Variants in NTNG1 observed in about 807,000 individuals in gnomAD.
NTNG1 encodes netrin-G1.
A neutral mutation model predicts 54.0 loss-of-function variants in NTNG1; 16 were observed. The ratio of observed to expected loss-of-function variants is 0.30; its 90% CI spans 0.20 to 0.45. The LOEUF is 0.45. Ranked by LOEUF, NTNG1 falls within the 20% of genes least tolerant of loss-of-function variation. The pLI, the probability that NTNG1 is intolerant of heterozygous loss-of-function variation, is 1.00. For synonymous variants in NTNG1, 255 were observed against 263.1 expected (o/e 0.97, Z 0.30); for missense variants, 530 against 678.7 (o/e 0.78, Z 2.43).
chr1:107,155,006 C>A (rs573473715), intron 2 of NTNG1, among the ~76,000 whole-genome samples: 1 of 151,978 alleles, frequency 6.6e-6, no homozygotes, highest in Non-Finnish European at 1.5e-5. Flanking sequence ...CTCCTTCAGT[C>A]CCCCTGGAGA....
chr1:107,272,344 T>C (rs1425572129), intron 2 of NTNG1, among the ~76,000 whole-genome samples: 1 of 152,180 alleles, frequency 6.6e-6, no homozygotes. Context: ...TAATCATCAT[T>C]GTTCCTTCCT....
chr1:107,264,705 C>A (rs1178525134), intron 2 of NTNG1, among the ~76,000 whole-genome samples: 1 of 152,198 alleles, frequency 6.6e-6, no homozygotes, highest in Non-Finnish European at 1.5e-5. Flanking sequence ...TTTAGGGCAC[C>A]TTTGAGTCAT....
chr1:107,435,705 C>A lies in NTNG1; in HGVS notation c.1256-960C>A, dbSNP rs114575488. Among the ~76,000 whole-genome samples, 881 of 152,180 alleles carry A rather than the reference C, an allele frequency of 5.8e-3. 13 individuals carry two copies. The highest frequency in any genetic ancestry group is 0.02 in the African/African-American group (842 of 41,530). ...TTTTATTTGGTTTTTCATGAGGGAA[C>A]TGCTTAATGTACCCATTTTTAAATA... On this transcript the variant is annotated intron_variant, in intron 6 of 7. Transcript: ENST00000370068.
intron 2 of NTNG1, among the ~76,000 whole-genome samples, chr1:107,175,704 C>G (rs1291734373): frequency 2.0e-5 from 3 of 151,948 alleles, no homozygotes; most frequent in Non-Finnish European, 4.4e-5. Flanking sequence ...AGGCCAGTCT[C>G]TAATAATAGT....
chr1:107,414,362 T>C (rs1021595355), intron 5 of NTNG1, among the ~76,000 whole-genome samples: 2 of 152,154 alleles, frequency 1.3e-5, no homozygotes, highest in African/African-American at 4.8e-5. Flanking sequence ...CTTAAAAAAA[T>C]TGGAGAAACT....
At chr1:107,259,415 G>A (rs1663150140) in intron 2 of NTNG1, among the ~76,000 whole-genome samples, 1 of 152,046 alleles carries the variant, frequency 6.6e-6, no homozygotes, top group South Asian at 2.1e-4. Context: ...GCATGTGTAA[G>A]GCATGAAATG....
chr1:107,219,071 A>G (rs1557819660), intron 2 of NTNG1, among the ~76,000 whole-genome samples: 1 of 151,772 alleles, frequency 6.6e-6, no homozygotes, highest in Non-Finnish European at 1.5e-5. Flanking sequence ...TGGTCATTTG[A>G]CATAATCCCA....
chr1:107,141,371 C>A (rs1653677023), intron 1 of NTNG1: 1 of 149,808 alleles, frequency 6.7e-6, no homozygotes, highest in Non-Finnish European at 1.5e-5. Flanking sequence ...GCGGCCGCCG[C>A]CCGAGGCGGA....
chr1:107,391,645 C>T (rs1198702340), intron 3 of NTNG1, among the ~76,000 whole-genome samples: 1 of 152,090 alleles, frequency 6.6e-6, no homozygotes. Context: ...GAAGCTTCCA[C>T]TCATGGTGGA....
intron 2 of NTNG1, among the ~76,000 whole-genome samples, chr1:107,187,740 G>C (rs1657571704): frequency 6.6e-6 from 1 of 152,150 alleles, no homozygotes; most frequent in Admixed American, 6.6e-5. Flanking sequence ...ACCAGATACT[G>C]TCATTTCTTC....
At chr1:107,405,217 AT>A (rs1208374571) in intron 4 of NTNG1, among the ~76,000 whole-genome samples, 4 of 152,218 alleles carry the variant, frequency 2.6e-5, no homozygotes, top group Non-Finnish European at 4.4e-5. Flanking sequence ...TTAGAAAAAA[AT>A]AATGATATTT....
chr1:107,341,785 G>A (rs557503123), intron 3 of NTNG1, among the ~76,000 whole-genome samples: 5 of 152,062 alleles, frequency 3.3e-5, no homozygotes, highest in Non-Finnish European at 7.4e-5. Context: ...TTCATAGAAT[G>A]CAATAACTAA....
chr1:107,190,940 C>A (rs1657865713), intron 2 of NTNG1, among the ~76,000 whole-genome samples: 1 of 151,984 alleles, frequency 6.6e-6, no homozygotes, highest in East Asian at 1.9e-4. Flanking sequence ...GGGTATATAC[C>A]CAGTAATGGG....
intron 2 of NTNG1, among the ~76,000 whole-genome samples, chr1:107,317,607 G>A (rs1209862733): frequency 1.3e-5 from 2 of 152,120 alleles, no homozygotes; most frequent in Admixed American, 1.3e-4. Context: ...TGACCCCTCA[G>A]CCTTCACCAG....
At chr1:107,294,680 T>A (rs540429521) in intron 2 of NTNG1, among the ~76,000 whole-genome samples, 56 of 152,196 alleles carry the variant, frequency 3.7e-4, no homozygotes, top group African/African-American at 1.3e-3. Flanking sequence ...AAAAAAGTGG[T>A]CAATTTGGTG....
At chr1:107,309,284 T>A (rs1666865918) in intron 2 of NTNG1, among the ~76,000 whole-genome samples, 1 of 152,158 alleles carries the variant, frequency 6.6e-6, no homozygotes, top group Non-Finnish European at 1.5e-5. Context: ...GTCTCTTGAT[T>A]TATAAACTCA....
chr1:107,433,182 T>G (rs909034719), intron 6 of NTNG1, among the ~76,000 whole-genome samples: 2 of 152,238 alleles, frequency 1.3e-5, no homozygotes, highest in African/African-American at 4.8e-5. Context: ...CTATTTAGTA[T>G]TTTGTACTTG....
intron 2 of NTNG1, among the ~76,000 whole-genome samples, chr1:107,182,997 C>T (rs541974097): frequency 6.6e-6 from 1 of 152,220 alleles, no homozygotes; most frequent in African/African-American, 2.4e-5. Context: ...ATCTAGCAGG[C>T]TGGGATGATT....
chr1:107,402,690 T>C (rs1238559671), intron 4 of NTNG1, among the ~76,000 whole-genome samples: 3 of 152,158 alleles, frequency 2.0e-5, no homozygotes, highest in Non-Finnish European at 2.9e-5. Flanking sequence ...CAGCAGTTTA[T>C]ACTAGGGGCC....
Sources: gnomAD v4.1 joint callset for allele counts (sites outside exome capture counted in the v4.1 genomes callset) on GRCh38, gnomAD v4.1.1 for gene constraint, MANE v1.5 for transcripts, NCBI Gene and HGNC (gene_info 2026-07-23, HGNC 2026-07-21) for gene names.